The following ZNF44 variants were observed in gnomAD, a reference collection of about 807,000 sequenced individuals.
The protein encoded by ZNF44 is gonadotropin inducible transcription repressor-2.
Under a neutral mutation model 11.7 loss-of-function variants are expected in ZNF44, and 9 were observed. That is an observed-to-expected ratio of 0.77 (90% CI 0.46 to 1.35). ZNF44 has a LOEUF of 1.35. Ranked by LOEUF, ZNF44 falls within the 40% of genes most tolerant of loss-of-function variation. The probability of loss-of-function intolerance (pLI) is 0.00; values close to 1 mark genes in which losing one functional copy is unlikely to be tolerated. For missense variants in ZNF44, 696 were observed against 743.1 expected (o/e 0.94, Z 0.74); for synonymous variants, 224 against 242.7 (o/e 0.92, Z 0.72).
chr19:12,228,321 T>C (rs1916005830), intron 3 of ZNF44, among the ~76,000 whole-genome samples: 1 of 152,348 alleles, frequency 6.6e-6, no homozygotes, highest in South Asian at 2.1e-4. Context: ...CAGTAAAGTT[T>C]ACTTTTGTTG....
chr19:12,224,781 G>T (rs910642177), downstream of ZNF44: 3 of 152,246 alleles, frequency 2.0e-5, no homozygotes, highest in African/African-American at 7.2e-5. Flanking sequence ...AAGAATGTAC[G>T]TTGGTTTTAG....
intron 5 of ZNF44, among the ~76,000 whole-genome samples, chr19:12,263,712 T>C (rs987305853): frequency 6.6e-6 from 1 of 151,094 alleles, no homozygotes; most frequent in African/African-American, 2.4e-5. Context: ...GATCACGAGG[T>C]CAGGAGATCG....
At chr19:12,255,236 G>A (rs1217586688) in intron 5 of ZNF44, among the ~76,000 whole-genome samples, 2 of 152,068 alleles carry the variant, frequency 1.3e-5, no homozygotes, top group African/African-American at 2.4e-5. Flanking sequence ...ATCTAAGCAT[G>A]TGCTTTAGGA....
chr19:12,272,650 C>T lies in ZNF44; in HGVS notation c.1605G>A (p.Lys535=). The change falls in exon 4 of 4, where the codon AAG becomes AAA. Residue 535 remains lysine (K), a synonymous_variant. Coordinates refer to ENST00000355684, the MANE Select transcript of ZNF44 (RefSeq NM_016264.4). Reference sequence around the variant, plus strand: ...GCCAAAAGAATGCTTTCCTGCATTGCTTACATTCATATGGCTTCTCTGCCG... The same window carrying T: ...GCCAAAAGAATGCTTTCCTGCATTGTTTACATTCATATGGCTTCTCTGCCG... ...THTAEKPYEC[K]QCRKAFFWPS... is the part of the protein sequence containing the mutation. 1 of 1,613,484 alleles carries T rather than the reference C, an allele frequency of 6.2e-7. No homozygotes were observed. The highest frequency in any genetic ancestry group is 2.2e-5 in the East Asian group (1 of 44,802).
chr19:12,238,257 A>G (rs1055476739), upstream of ZNF44, among the ~76,000 whole-genome samples: 1 of 152,164 alleles, frequency 6.6e-6, no homozygotes, highest in African/African-American at 2.4e-5. Context: ...TGGGAGGCCA[A>G]GGTAGGAGGA....
intron 5 of ZNF44, among the ~76,000 whole-genome samples, chr19:12,260,780 G>C (rs1475528934): frequency 6.6e-6 from 1 of 152,108 alleles, no homozygotes; most frequent in East Asian, 1.9e-4. Context: ...ACTTGGTAGG[G>C]CTCAACAATG....
intron 1 of ZNF44, among the ~76,000 whole-genome samples, chr19:12,283,068 G>T (rs1394667715): frequency 1.3e-5 from 2 of 152,098 alleles, no homozygotes; most frequent in Non-Finnish European, 2.9e-5. Flanking sequence ...AAATTTGTTG[G>T]TGTGTCTTCT....
chr19:12,246,761 C>T (rs976586197), downstream of ZNF44, among the ~76,000 whole-genome samples: 3 of 151,986 alleles, frequency 2.0e-5, no homozygotes, highest in African/African-American at 7.2e-5. Flanking sequence ...CAACGCAGCA[C>T]ACATCTGTAG....
chr19:12,236,762 T>C (rs1011725029), intron 1 of ZNF44, among the ~76,000 whole-genome samples: 5 of 152,156 alleles, frequency 3.3e-5, no homozygotes, highest in Admixed American at 3.3e-4. Flanking sequence ...TGCCCACCTC[T>C]CCCATTTTCT....
At chr19:12,278,757 T>C (rs1415613427) in intron 1 of ZNF44, among the ~76,000 whole-genome samples, 1 of 151,570 alleles carries the variant, frequency 6.6e-6, no homozygotes, top group Non-Finnish European at 1.5e-5. Context: ...TATTAGACCA[T>C]CTAAGTCCCA....
At chr19:12,247,258 A>G (rs1916793735), downstream of ZNF44, 1 of 1,179,936 alleles carries the variant, frequency 8.5e-7, no homozygotes, top group African/African-American at 1.6e-5. Context: ...AAAACTTTCG[A>G]TATTTACATT....
At chr19:12,263,924 C>CA (rs796313617) in intron 5 of ZNF44, among the ~76,000 whole-genome samples, 25,868 of 105,134 alleles carry the variant, frequency 0.25, 3,458 homozygotes, top group African/African-American at 0.42. Context: ...GACTCCGTCT[C>CA]AAAAAAAAAA....
intron 5 of ZNF44, among the ~76,000 whole-genome samples, chr19:12,264,395 A>G (rs994616509): frequency 1.3e-5 from 2 of 152,180 alleles, no homozygotes; most frequent in Non-Finnish European, 2.9e-5. Context: ...CCTTCTAGTC[A>G]CTGCCTCAGG....
At chr19:12,250,247 G>A (rs1479259878) in exon 6 of ZNF44, 6 of 1,360,686 alleles carry the variant, frequency 4.4e-6, no homozygotes, top group Non-Finnish European at 4.9e-6. Flanking sequence ...TTTACCTATA[G>A]TGGCCAGGTT....
chr19:12,242,850 A>G (rs1916666764), downstream of ZNF44: 1 of 152,130 alleles, frequency 6.6e-6, no homozygotes, highest in South Asian at 2.1e-4. Flanking sequence ...CCTGTCTGAA[A>G]GAAAAAAAAT....
Position 12,275,939 on chromosome 19 carries a change from C to T in ZNF44, c.130+17G>A, listed in dbSNP as rs895662281. On this transcript the variant is annotated intron_variant, in intron 2 of 3. Transcript: ENST00000355684. ...ATGTCTCTAATTGACCAAATGAAGA[C>T]ATGATGTCATCCATACCTATACAGT... The T allele has an allele frequency of 6.3e-7, 1 of 1,584,678 alleles. No individual in the cohort carries two copies. The highest frequency in any genetic ancestry group is 8.6e-7 in the Non-Finnish European group (1 of 1,162,912).
intron 5 of ZNF44, among the ~76,000 whole-genome samples, chr19:12,258,667 G>A (rs990633396): frequency 1.3e-5 from 2 of 152,064 alleles, no homozygotes; most frequent in Admixed American, 6.5e-5. Flanking sequence ...TCGTCTCTAC[G>A]AAAAACACAA....
chr19:12,240,209 T>C (rs1021949837), upstream of ZNF44, among the ~76,000 whole-genome samples: 10 of 151,868 alleles, frequency 6.6e-5, no homozygotes, highest in Non-Finnish European at 1.2e-4. Context: ...TTTGGGAGGC[T>C]GAGGCAGGCA....
chr19:12,228,802 G>A (rs1203193282), intron 3 of ZNF44, among the ~76,000 whole-genome samples: 1 of 152,080 alleles, frequency 6.6e-6, no homozygotes, highest in Non-Finnish European at 1.5e-5. Flanking sequence ...ATATTAAATG[G>A]CTTAGGATGT....
Sources: gnomAD v4.1 joint callset for allele counts (sites outside exome capture counted in the v4.1 genomes callset) on GRCh38, gnomAD v4.1.1 for gene constraint, MANE v1.5 for transcripts, NCBI Gene and HGNC (gene_info 2026-07-23, HGNC 2026-07-21) for gene names.